The following ATXN7L1 variants were observed in gnomAD, a reference collection of about 807,000 sequenced individuals.
The protein encoded by ATXN7L1 is ataxin-7-like protein 1.
ATXN7L1 carries 15 observed loss-of-function variants against 70.8 expected under a neutral mutation model. The observed-to-expected ratio is 0.21, with a 90% CI of 0.14 to 0.33. ATXN7L1 has a LOEUF of 0.33. Among genes scored for constraint, ATXN7L1 ranks in the 10% least tolerant of loss-of-function variants. The probability of loss-of-function intolerance (pLI) is 1.00; values close to 1 mark genes in which losing one functional copy is unlikely to be tolerated. For synonymous variants in ATXN7L1, 440 were observed against 445.1 expected (o/e 0.99, Z 0.14); for missense variants, 975 against 1,097.1 (o/e 0.89, Z 1.57).
intron 4 of ATXN7L1, among the ~76,000 whole-genome samples, chr7:105,664,361 A>G (rs1802183583): frequency 6.6e-6 from 1 of 151,542 alleles, no homozygotes; most frequent in Non-Finnish European, 1.5e-5. Context: ...CTTAGACACA[A>G]CTTGGCTCAA....
chr7:105,708,447 T>C (rs1351250441), intron 3 of ATXN7L1, among the ~76,000 whole-genome samples: 1 of 152,104 alleles, frequency 6.6e-6, no homozygotes, highest in Non-Finnish European at 1.5e-5. Context: ...TTTCTAGGGG[T>C]GAAGACAAAT....
chr7:105,674,093 G>A (rs1193626155), intron 3 of ATXN7L1, among the ~76,000 whole-genome samples: 1 of 152,236 alleles, frequency 6.6e-6, no homozygotes, highest in Non-Finnish European at 1.5e-5. Context: ...GGGCTGAGGA[G>A]CCGAGGAGGC....
chr7:105,861,144 G>T (rs57026078), intron 2 of ATXN7L1, among the ~76,000 whole-genome samples: 2 of 152,118 alleles, frequency 1.3e-5, no homozygotes, highest in East Asian at 3.9e-4. Flanking sequence ...GGCAGAGAAG[G>T]GGGCAGGGAA....
intron 7 of ATXN7L1, among the ~76,000 whole-genome samples, chr7:105,629,065 C>T (rs538255558): frequency 6.6e-6 from 1 of 152,062 alleles, no homozygotes; most frequent in Non-Finnish European, 1.5e-5. Context: ...ACTCCTGGGC[C>T]CACAGGATCT....
intron 3 of ATXN7L1, among the ~76,000 whole-genome samples, chr7:105,774,159 T>G (rs1802404686): frequency 6.6e-6 from 1 of 152,034 alleles, no homozygotes; most frequent in Non-Finnish European, 1.5e-5. Context: ...GGGTTTGTTG[T>G]AAGAATATGA....
At chr7:105,641,807 T>C (rs1340938961) in intron 5 of ATXN7L1, among the ~76,000 whole-genome samples, 1 of 152,256 alleles carries the variant, frequency 6.6e-6, no homozygotes, top group African/African-American at 2.4e-5. Context: ...CAAGGTACAA[T>C]GCCTGCTTTA....
intron 2 of ATXN7L1, among the ~76,000 whole-genome samples, chr7:105,807,348 T>C (rs573441628): frequency 6.6e-6 from 1 of 152,334 alleles, no homozygotes; most frequent in South Asian, 2.1e-4. Flanking sequence ...TTGAACACTG[T>C]GTGTCAAACT....
intron 9 of ATXN7L1, among the ~76,000 whole-genome samples, chr7:105,619,140 G>GTTTTTTTTGTTTTT (rs1794388200): frequency 2.0e-5 from 1 of 49,846 alleles, no homozygotes; most frequent in Non-Finnish European, 3.3e-5. Flanking sequence ...GAAATCTTTA[G>GTTTTTTTTGTTTTT]TTTTTTTTTT....
chr7:105,871,379 T>C (rs1469232522), intron 2 of ATXN7L1, among the ~76,000 whole-genome samples: 1 of 152,154 alleles, frequency 6.6e-6, no homozygotes, highest in Admixed American at 6.5e-5. Context: ...CACCCATGGA[T>C]CTAGCAACGC....
At position 105,658,216 on chromosome 7, in the gene ATXN7L1, C is replaced by CAAA. The variant is rs11317370; in HGVS notation, c.578+6847_578+6849dup. On this transcript the variant is annotated intron_variant, in intron 4 of 11. Transcript: ENST00000419735. Reference sequence around the variant, plus strand: ...TGGGCGACAGAGCTATACCCCATCTCAAAAAAAAAAAAAAAGTGACCAGTT... The same window carrying CAAA: ...TGGGCGACAGAGCTATACCCCATCTCAAAAAAAAAAAAAAAAAAGTGACCAGTT... Among the ~76,000 whole-genome samples the CAAA allele has an allele frequency of 2.8e-4, 40 of 142,246 alleles. 1 individual carries two copies. The highest frequency in any genetic ancestry group is 4.7e-4 in the Non-Finnish European group (31 of 65,734). The allele number at this position is 142,246 out of a possible 152,430, so 93.3% of individuals were successfully genotyped here.
Position 105,614,303 on chromosome 7 carries a change from G to C in ATXN7L1, c.2031C>G (p.Asn677Lys). Reference protein sequence around the residue: ...SSPLSGPHKKNCVLNASSALN... With the variant: ...SSPLSGPHKKKCVLNASSALN... ...AAGCAGAACTGGCATTCAAAACACA[G>C]TTCTTTTTGTGAGGCCCTGACAGTG... The change falls in exon 10 of 12, where the codon AAC (asparagine) becomes AAG (lysine). Residue 677 changes from asparagine to lysine, a missense_variant. Transcript: ENST00000419735. This position sits in a 1 kb window ranked among gnomAD's most constrained non-coding sequence, Gnocchi z 4.3. The C allele has an allele frequency of 6.4e-7, 1 of 1,552,196 alleles. No homozygotes were observed. Among genetic ancestry groups the C allele is most frequent in the Non-Finnish European group, 8.7e-7 (1 of 1,147,106 alleles).
At chr7:105,703,073 G>A (rs1399082901) in intron 3 of ATXN7L1, among the ~76,000 whole-genome samples, 1 of 152,094 alleles carries the variant, frequency 6.6e-6, no homozygotes, top group Non-Finnish European at 1.5e-5. Flanking sequence ...CCCAGATCTT[G>A]CCACTGCACT....
At chr7:105,734,802 TAGAG>T (rs35212819) in intron 3 of ATXN7L1, among the ~76,000 whole-genome samples, 34 of 149,328 alleles carry the variant, frequency 2.3e-4, no homozygotes, top group African/African-American at 5.9e-4. Context: ...TCAAAGTGAA[TAGAG>T]AGAGAGAGAG....
chr7:105,724,385 C>A (rs1469211932), intron 3 of ATXN7L1, among the ~76,000 whole-genome samples: 1 of 151,194 alleles, frequency 6.6e-6, no homozygotes, highest in African/African-American at 2.4e-5. Flanking sequence ...ACCAGTCTGG[C>A]CAACGTGGCA....
intron 2 of ATXN7L1, among the ~76,000 whole-genome samples, chr7:105,793,229 T>G (rs746457600): frequency 2.1e-4 from 32 of 152,096 alleles, no homozygotes; most frequent in Non-Finnish European, 2.9e-4. Context: ...TGGCCTGGGG[T>G]CAGAAGGTGA....
At chr7:105,612,610 C>T (rs986367436) in intron 10 of ATXN7L1, among the ~76,000 whole-genome samples, 4 of 152,118 alleles carry the variant, frequency 2.6e-5, no homozygotes, top group Non-Finnish European at 5.9e-5. Flanking sequence ...TGGGTGCCAG[C>T]CCCCCTCCCT....
intron 3 of ATXN7L1, among the ~76,000 whole-genome samples, chr7:105,712,533 C>T (rs1034087011): frequency 6.6e-6 from 1 of 152,190 alleles, no homozygotes; most frequent in Non-Finnish European, 1.5e-5. Context: ...GAATACTTTG[C>T]TGCTTAGAAA....
At chr7:105,784,956 C>A (rs1157286824) in intron 3 of ATXN7L1, among the ~76,000 whole-genome samples, 1 of 152,192 alleles carries the variant, frequency 6.6e-6, no homozygotes, top group Non-Finnish European at 1.5e-5. Context: ...CCAATTTTAA[C>A]CTCAACAGCT....
chr7:105,825,078 C>T (rs1419462880), intron 2 of ATXN7L1, among the ~76,000 whole-genome samples: 3 of 152,182 alleles, frequency 2.0e-5, no homozygotes, highest in Non-Finnish European at 4.4e-5. Flanking sequence ...AAGAGTGACA[C>T]TAGAGCCAGA....
Sources: gnomAD v4.1 joint callset for allele counts (sites outside exome capture counted in the v4.1 genomes callset) on GRCh38, gnomAD v4.1.1 for gene constraint, Gnocchi (gnomAD v3.1) non-coding constraint, MANE v1.5 for transcripts, NCBI Gene and HGNC (gene_info 2026-07-23, HGNC 2026-07-21) for gene names.